Variants in CENPU observed in about 807,000 individuals in gnomAD.
CENPU encodes the protein KSHV latent nuclear antigen interacting protein 1.
Under a neutral mutation model 56.7 loss-of-function variants are expected in CENPU, and 46 were observed. The ratio of observed to expected loss-of-function variants is 0.81; its 90% CI spans 0.64 to 1.04. The LOEUF is 1.04. Ranked by LOEUF, CENPU falls within the 50% of genes least tolerant of loss-of-function variation. The pLI is 0.00. For synonymous variants in CENPU, 166 were observed against 163.0 expected (o/e 1.02, Z -0.14); for missense variants, 510 against 490.1 (o/e 1.04, Z -0.38).
intron 11 of CENPU, among the ~76,000 whole-genome samples, 187 bp downstream of exon 11, chr4:184,700,633 G>C (rs1760502484): frequency 6.6e-6 from 1 of 152,198 alleles, no homozygotes; most frequent in African/African-American, 2.4e-5. Flanking sequence ...AGATAGATCA[G>C]TGTGGAATTC....
intron 4 of CENPU, among the ~76,000 whole-genome samples, chr4:184,717,499 T>C (rs1761132940): frequency 6.6e-6 from 1 of 152,234 alleles, no homozygotes. Context: ...CCATCATTTG[T>C]ACTAAAAGCT....
intron 3 of CENPU, among the ~76,000 whole-genome samples, chr4:184,725,330 G>A (rs1270103631): frequency 6.6e-6 from 1 of 152,128 alleles, no homozygotes; most frequent in Non-Finnish European, 1.5e-5. Context: ...TTCTGAAACA[G>A]GGCCTCACTC....
At chr4:184,703,443 C>T (rs781650338) in intron 8 of CENPU, among the ~76,000 whole-genome samples, 1 of 152,122 alleles carries the variant, frequency 6.6e-6, no homozygotes, top group Non-Finnish European at 1.5e-5. Flanking sequence ...TCTGATTCTC[C>T]TGGCTTGGCT....
Position 184,694,553 on chromosome 4 carries a change from A to G in CENPU, c.*735T>C, listed in dbSNP as rs759968898. 4.3e-6 allele frequency: 7 copies of G among 1,613,446 alleles called. No homozygotes were observed. The highest frequency in any genetic ancestry group is 3.3e-4 in the Middle Eastern group (2 of 6,060). On this transcript the variant is annotated 3_prime_UTR_variant, in exon 13 of 13. Transcript: ENST00000281453. ...GAGTTTACAACAGATGAAGCAGATG[A>G]AACTAGGAGCAATGAAACCCAGAAT...
chr4:184,729,741 T>C (rs7692104), intron 2 of CENPU, among the ~76,000 whole-genome samples: 2 of 152,022 alleles, frequency 1.3e-5, no homozygotes, highest in African/African-American at 4.8e-5. Flanking sequence ...GGTACACATG[T>C]GTAAAAACTC....
intron 4 of CENPU, among the ~76,000 whole-genome samples, chr4:184,720,578 CA>C (rs557984666): frequency 8.5e-4 from 130 of 152,246 alleles, no homozygotes; most frequent in African/African-American, 2.9e-3. Flanking sequence ...AAGACTCCCT[CA>C]AGGCATTTAA....
In CENPU at chr4:184,728,954, C is replaced by T; in HGVS notation, c.178G>A (p.Glu60Lys). Reference protein sequence around the residue: ...SDVSSIGRLGENEKDEETYET... With the variant: ...SDVSSIGRLGKNEKDEETYET... ...TAAGTTTCTTCATCTTTCTCATTTT[C>T]ACCCAGCCTGCCAATGCTTGAGACA... The change falls in exon 3 of 13, where the codon GAA (glutamate) becomes AAA (lysine). Residue 60 changes from glutamate (E) to lysine (K), a missense_variant. By Grantham distance (56) the Glu-to-Lys change is moderately conservative. Coordinates refer to ENST00000281453, the MANE Select transcript of CENPU (RefSeq NM_024629.4). 1 of 1,614,054 alleles carries T rather than the reference C, an allele frequency of 6.2e-7. No individual in the cohort carries two copies. The highest frequency in any genetic ancestry group is 2.2e-5 in the East Asian group (1 of 44,876).
chr4:184,704,085 TC>T (rs1431751471), intron 8 of CENPU, among the ~76,000 whole-genome samples: 1 of 143,850 alleles, frequency 7.0e-6, no homozygotes, highest in Non-Finnish European at 1.5e-5. Flanking sequence ...ACATACTTCA[TC>T]TTTTTTTTTT....
intron 3 of CENPU, among the ~76,000 whole-genome samples, chr4:184,727,841 ACG>A (rs1413589679): frequency 2.0e-5 from 3 of 152,258 alleles, no homozygotes; most frequent in African/African-American, 7.2e-5. Flanking sequence ...AGGTAGATAC[ACG>A]TTACAACATG....
Position 184,716,485 on chromosome 4 carries a change from G to T in CENPU, c.530C>A (p.Pro177Gln). ...CTTTTTAGAAGTGACAGACTCAGCT[G>T]GTTTCTCTGAAAGTTCTGAAGACGC... is the stretch of plus-strand genomic sequence containing the variant. ...TTASSELSEK[P>Q]AESVTSKKTG... Residue 177 changes from proline (P) to glutamine (Q), a missense_variant, in exon 6 of 13, where the codon CCA becomes CAA. Pro to Gln is a moderately conservative substitution (Grantham distance 76, BLOSUM62 -1). Transcript: ENST00000281453. 6.2e-7 allele frequency: 1 copy of T among 1,614,130 alleles called. No individual in the cohort carries two copies. The highest frequency in any genetic ancestry group is 8.5e-7 in the Non-Finnish European group (1 of 1,180,022).
chr4:184,723,539 C>T (rs951851793), intron 4 of CENPU, among the ~76,000 whole-genome samples: 5 of 152,130 alleles, frequency 3.3e-5, no homozygotes, highest in African/African-American at 1.2e-4. Flanking sequence ...TACTGATTTT[C>T]AGTAACATAT....
chr4:184,729,191 T>C (rs1362338404), intron 2 of CENPU, among the ~76,000 whole-genome samples, 156 bp from the exon 3 acceptor site: 1 of 152,212 alleles, frequency 6.6e-6, no homozygotes, highest in Non-Finnish European at 1.5e-5. Context: ...TGGGTCATTA[T>C]ACAACATAGA....
chr4:184,732,902 T>C (rs1387269526), intron 1 of CENPU, among the ~76,000 whole-genome samples: 2 of 150,516 alleles, frequency 1.3e-5, no homozygotes, highest in Non-Finnish European at 2.9e-5. Context: ...CTCTGGAGTC[T>C]GAGGCAGGAA....
At position 184,711,132 on chromosome 4, in the gene CENPU, G is replaced by A. The variant is rs189161790; in HGVS notation, c.689-952C>T. On this transcript the variant is annotated intron_variant, in intron 7 of 12. Coordinates refer to ENST00000281453, the MANE Select transcript of CENPU (RefSeq NM_024629.4). ...CAGCCTCCCAAAGTGCTGGGATTAC[G>A]GGTGCACCCACCATGCCCGGCCCCC... Among the ~76,000 whole-genome samples, 106 of 152,132 alleles carry A rather than the reference G, an allele frequency of 7.0e-4. 1 individual carries two copies. Among genetic ancestry groups the A allele is most frequent in the African/African-American group, 2.3e-3 (95 of 41,492 alleles).
chr4:184,707,211 G>A (rs1760757444), intron 8 of CENPU, among the ~76,000 whole-genome samples: 1 of 151,156 alleles, frequency 6.6e-6, no homozygotes, highest in African/African-American at 2.5e-5. Flanking sequence ...AGAAAATGGA[G>A]AAAGCTGTGA....
intron 8 of CENPU, among the ~76,000 whole-genome samples, chr4:184,705,728 T>A (rs550719897): frequency 6.6e-6 from 1 of 152,184 alleles, no homozygotes; most frequent in African/African-American, 2.4e-5. Context: ...AATGAATGGA[T>A]AAACAATGAA....
At chr4:184,696,476 G>A (rs921616068) in intron 12 of CENPU, among the ~76,000 whole-genome samples, 3 of 152,126 alleles carry the variant, frequency 2.0e-5, no homozygotes, top group African/African-American at 4.8e-5. Context: ...CAATGCTACA[G>A]ATAACTTGCC....
intron 12 of CENPU, 116 bp from the exon 13 acceptor site, chr4:184,695,517 C>A: frequency 1.6e-6 from 1 of 634,488 alleles, no homozygotes. Flanking sequence ...ACTACTCCTC[C>A]TCTCATTTTT....
At chr4:184,702,068 C>T (rs1215196113) in intron 10 of CENPU, 21 bp downstream of exon 10, 1 of 1,536,974 alleles carries the variant, frequency 6.5e-7, no homozygotes, top group Admixed American at 1.7e-5. Flanking sequence ...CTCTATGACT[C>T]TAATCACATA....
Sources: allele counts gnomAD v4.1 joint callset (sites outside exome capture counted in the v4.1 genomes callset), GRCh38; gene constraint gnomAD v4.1.1; transcripts MANE v1.5; gene names NCBI Gene and HGNC (gene_info 2026-07-23, HGNC 2026-07-21).